Variants in NLRP13 observed in about 807,000 individuals in gnomAD.
NLRP13 encodes the protein NLR family pyrin domain containing 13.
In NLRP13, 82 loss-of-function variants were observed where a neutral mutation model predicts 94.4. That is an observed-to-expected ratio of 0.87 (90% CI 0.73 to 1.04). The LOEUF (loss-of-function observed/expected upper bound fraction) is 1.04. Among genes scored for constraint, NLRP13 ranks in the 50% least tolerant of loss-of-function variants. NLRP13 has a pLI of 0.00. For synonymous variants in NLRP13, 553 were observed against 464.7 expected, an observed-to-expected ratio of 1.19 and a Z score of -2.45; for missense variants, 1,426 against 1,230.8, an observed-to-expected ratio of 1.16 and a Z score of -2.37.
chr19:55,924,712 C>G (rs1446133187), intron 2 of NLRP13, 54 bp from the exon 3 acceptor site: 1 of 1,499,940 alleles, frequency 6.7e-7, no homozygotes, highest in Non-Finnish European at 9.3e-7. Flanking sequence ...GAAAATGGGC[C>G]AGCAATAATG....
intron 1 of NLRP13, among the ~76,000 whole-genome samples, chr19:55,930,901 A>ATATTTT (rs1338071833): frequency 2.0e-5 from 2 of 98,286 alleles, no homozygotes; most frequent in African/African-American, 1.2e-4. Flanking sequence ...TATATATAAA[A>ATATTTT]TTTTAACCAG....
intron 1 of NLRP13, 106 bp from the exon 2 acceptor site, chr19:55,925,141 T>C (rs1242357369): frequency 2.0e-6 from 2 of 986,040 alleles, no homozygotes; most frequent in East Asian, 2.5e-5. Flanking sequence ...CAAACTGGAG[T>C]TTGAAGGTCT....
intron 1 of NLRP13, among the ~76,000 whole-genome samples, chr19:55,931,718 A>AGACAGAAAGAAAGACAGAAAGACAG: frequency 2.1e-5 from 2 of 96,032 alleles, no homozygotes; most frequent in Admixed American, 1.3e-4. Flanking sequence ...TCAAAAAAAA[A>AGACAGAAAGAAAGACAGAAAGACAG]AAAAAAAGAA....
At position 55,911,734 on chromosome 19, in the gene NLRP13, T is replaced by C. The variant is rs774977192; in HGVS notation, c.2083A>G (p.Ile695Val). The C allele has an allele frequency of 4.4e-6, 7 of 1,608,910 alleles. No homozygotes were observed. The African/African-American group carries it at 8.0e-5, about 18-fold the overall frequency. Residue 695 changes from isoleucine (I) to valine (V), a missense_variant, in exon 5 of 11, where the codon ATC (isoleucine) becomes GTC (valine). Physicochemically the swap from Ile to Val is conservative, Grantham distance 29 (BLOSUM62 3). Transcript: ENST00000342929. ...AGAATTTCCAAGTCCCTTTCAAGGA[T>C]GTGACTGCTAACAGAAAGCCTTAGC... ...NKLRLSVSSH[I>V]LERDLEILET...
intron 4 of NLRP13, among the ~76,000 whole-genome samples, chr19:55,916,025 C>T (rs1228051917): frequency 6.6e-6 from 1 of 152,174 alleles, no homozygotes; most frequent in Non-Finnish European, 1.5e-5. Context: ...TAAGACCTCA[C>T]TAACCTGGCC....
intron 1 of NLRP13, among the ~76,000 whole-genome samples, chr19:55,927,933 C>G (rs951143151): frequency 3.3e-5 from 5 of 152,192 alleles, no homozygotes; most frequent in African/African-American, 1.2e-4. Flanking sequence ...CCTGTATACA[C>G]AGTTGTGTCC....
Position 55,913,845 on chromosome 19 carries a change from A to T in NLRP13, c.524-552T>A, listed in dbSNP as rs1023107613. ...GTGAGTGTGCCCACTCCATTGCCTG[A>T]CCAGCTCAGCACCCCAAAGACACCT... is the stretch of plus-strand genomic sequence containing the variant. On this transcript the variant is annotated intron_variant, in intron 4 of 10. Coordinates refer to ENST00000342929, the MANE Select transcript of NLRP13 (RefSeq NM_176810.2). Among the ~76,000 whole-genome samples the T allele has an allele frequency of 1.1e-4, 16 of 152,006 alleles. No individual in the cohort carries two copies. In the South Asian group the frequency reaches 2.7e-3, roughly 26 times the overall value.
At position 55,912,082 on chromosome 19, in the gene NLRP13, CTTCT is replaced by C; in HGVS notation, c.1731_1734del (p.Glu578ProfsTer14). On this transcript the variant is annotated frameshift_variant, in exon 5 of 11. Transcript: ENST00000342929. LOFTEE classifies it high-confidence loss of function. Reference sequence around the variant, plus strand: ...AACAGAACCACTGGAGTCCAGTAGGCTTCTTTGTCAAGCAAGACGTGTTGCAGTA... The same window carrying C: ...AACAGAACCACTGGAGTCCAGTAGGCTTGTCAAGCAAGACGTGTTGCAGTA... 2.5e-6 allele frequency: 4 copies of C among 1,614,152 alleles called. No homozygotes were observed. The highest frequency in any genetic ancestry group is 1.1e-5 in the South Asian group (1 of 91,082).
At chr19:55,925,672 CCT>C (rs1986950083) in intron 1 of NLRP13, among the ~76,000 whole-genome samples, 1 of 152,170 alleles carries the variant, frequency 6.6e-6, no homozygotes, top group Non-Finnish European at 1.5e-5. Flanking sequence ...AGCTAGAAGA[CCT>C]CTTCTATAAC....
intron 8 of NLRP13, among the ~76,000 whole-genome samples, chr19:55,902,968 A>G (rs1600261337): frequency 6.6e-6 from 1 of 150,538 alleles, no homozygotes; most frequent in East Asian, 1.9e-4. Flanking sequence ...GTTATAATAT[A>G]TAAATAACTG....
At chr19:55,922,484 T>C (rs1339530619) in intron 4 of NLRP13, among the ~76,000 whole-genome samples, 1 of 152,022 alleles carries the variant, frequency 6.6e-6, no homozygotes, top group Non-Finnish European at 1.5e-5. Context: ...CACACCACCA[T>C]GCCCGGCTAA....
chr19:55,913,047 A>G lies in NLRP13; in HGVS notation c.770T>C (p.Leu257Pro). 6.2e-7 allele frequency: 1 copy of G among 1,614,184 alleles called. No individual in the cohort carries two copies. Among genetic ancestry groups the G allele is most frequent in the South Asian group, 1.1e-5 (1 of 91,090 alleles). ...AACATAGGAGAACCTTTGCTGAAAG[A>G]GAACTCCATTTGCCCAGTGCAGCAT... Reference protein sequence around the residue: ...QAMLHWANGVLFQQRFSYVFY... With the variant: ...QAMLHWANGVPFQQRFSYVFY... The change falls in exon 5 of 11, where the codon CTC becomes CCC. Residue 257 changes from leucine to proline, a missense_variant. By Grantham distance (98) the Leu-to-Pro change is moderately conservative. Transcript: ENST00000342929.
chr19:55,898,775 T>G lies in NLRP13; in HGVS notation c.2952A>C (p.Thr984=), dbSNP rs781475876. ...EALKPHRALH[T]LGLAKCNLTT... ...GGAGAACAGCATCAACTCACCCAAG[T>G]GTGTGCAATGCACGATGTGGTTTCA... The change falls in exon 10 of 11, where the codon ACA becomes ACC. Residue 984 remains threonine (T), a synonymous_variant. Transcript: ENST00000342929. The G allele has an allele frequency of 6.2e-7, 1 of 1,605,230 alleles. No individual in the cohort carries two copies. Among genetic ancestry groups the G allele is most frequent in the South Asian group, 1.1e-5 (1 of 89,212 alleles).
At chr19:55,906,163 C>A (rs890193080) in intron 7 of NLRP13, among the ~76,000 whole-genome samples, 1 of 151,792 alleles carries the variant, frequency 6.6e-6, no homozygotes, top group African/African-American at 2.4e-5. Context: ...CATGGTGAAA[C>A]CCCATCTGTA....
At chr19:55,916,008 T>G (rs943680908) in intron 4 of NLRP13, among the ~76,000 whole-genome samples, 1 of 152,206 alleles carries the variant, frequency 6.6e-6, no homozygotes, top group Non-Finnish European at 1.5e-5. Flanking sequence ...GGGAACCAGA[T>G]AAGCTTTAAG....
At chr19:55,902,259 G>C (rs113487928) in intron 8 of NLRP13, 54 bp from the exon 9 acceptor site, 4 of 1,558,624 alleles carry the variant, frequency 2.6e-6, no homozygotes, top group Admixed American at 1.7e-5. Flanking sequence ...CCAGACCCAG[G>C]CTCCTGGAAC....
chr19:55,916,537 A>G (rs920931256), intron 4 of NLRP13, among the ~76,000 whole-genome samples: 1 of 152,188 alleles, frequency 6.6e-6, no homozygotes, highest in Non-Finnish European at 1.5e-5. Context: ...GAAAAATCAA[A>G]TAAAACTTCT....
In NLRP13 at chr19:55,912,463, T is replaced by G. The variant is rs752917279; in HGVS notation, c.1354A>C (p.Thr452Pro). ...YYDLQSITQT[T>P]TSLYAYFFSN... Reference sequence around the variant, plus strand: ...AAAAAATAGGCATACAGACTGGTGGTAGTCTGAGTGATTGACTGGAGATCG... The same window carrying G: ...AAAAAATAGGCATACAGACTGGTGGGAGTCTGAGTGATTGACTGGAGATCG... Residue 452 changes from threonine (T) to proline (P), a missense_variant, in exon 5 of 11, where the codon ACC (threonine) becomes CCC (proline). Thr to Pro is a conservative substitution (Grantham distance 38, BLOSUM62 -1). Transcript: ENST00000342929. 1 of 1,614,172 alleles carries G rather than the reference T, an allele frequency of 6.2e-7. No homozygotes were observed. The highest frequency in any genetic ancestry group is 1.1e-5 in the South Asian group (1 of 91,088).
chr19:55,922,751 A>T (rs1986863251), intron 4 of NLRP13, among the ~76,000 whole-genome samples: 1 of 152,252 alleles, frequency 6.6e-6, no homozygotes, highest in Non-Finnish European at 1.5e-5. Context: ...CTGAACACTG[A>T]TGCTGCTACA....
Sources: allele counts gnomAD v4.1 joint callset (sites outside exome capture counted in the v4.1 genomes callset), GRCh38; gene constraint gnomAD v4.1.1; transcripts MANE v1.5; gene names NCBI Gene and HGNC (gene_info 2026-07-23, HGNC 2026-07-21).